The following IL23R variants were observed in gnomAD, a reference collection of about 807,000 sequenced individuals.
The protein encoded by IL23R is interleukin 23 receptor.
Under a neutral mutation model 56.9 loss-of-function variants are expected in IL23R, and 34 were observed. The observed-to-expected ratio is 0.60, with a 90% CI of 0.45 to 0.80. The LOEUF (loss-of-function observed/expected upper bound fraction) is 0.80. Ranked by LOEUF, IL23R falls within the 30% of genes least tolerant of loss-of-function variation. The pLI is 0.00. For missense variants in IL23R, 635 were observed against 730.0 expected (o/e 0.87, Z 1.50); for synonymous variants, 230 against 249.2 (o/e 0.92, Z 0.73).
intron 4 of IL23R, among the ~76,000 whole-genome samples, chr1:67,187,655 TA>T (rs754929032): frequency 6.6e-6 from 1 of 152,234 alleles, no homozygotes; most frequent in South Asian, 2.1e-4. Context: ...ATGAGTTTAC[TA>T]AAGAGAATGC....
chr1:67,200,985 C>G, intron 5 of IL23R, 88 bp downstream of exon 5: 2 of 1,327,804 alleles, frequency 1.5e-6, no homozygotes, highest in Middle Eastern at 1.9e-4. Flanking sequence ...AAGAAGTTCC[C>G]CTAAAGTTCC....
At chr1:67,201,302 G>T (rs1648612939) in intron 5 of IL23R, among the ~76,000 whole-genome samples, 1 of 151,828 alleles carries the variant, frequency 6.6e-6, no homozygotes, top group African/African-American at 2.4e-5. Flanking sequence ...CAGCTACTCA[G>T]GAGGCTGAGG....
In IL23R at chr1:67,206,884, CTTTTTTTTTT is replaced by C. The variant is rs557919248; in HGVS notation, c.653-14_653-5del. ...CTAGGCAAGTTTTAAACAGCCAGGT[CTTTTTTTTTT>C]TTTTTTTTTTTCTAGTGATACCTTC... On this transcript the variant is annotated splice_polypyrimidine_tract_variant and intron_variant, in intron 5 of 10. Transcript: ENST00000347310. 6.7e-6 allele frequency: 8 copies of C among 1,190,692 alleles called. No individual in the cohort carries two copies. The South Asian group carries it at 6.8e-5, about 10-fold the overall frequency. 73.8% of individuals were successfully genotyped at this position (1,190,692 alleles called of 1,614,324 possible).
At chr1:67,199,715 T>C (rs1326404163) in intron 4 of IL23R, among the ~76,000 whole-genome samples, 1 of 152,200 alleles carries the variant, frequency 6.6e-6, no homozygotes, top group Admixed American at 6.5e-5. Context: ...GCTCATTGTT[T>C]TTTTAATGGA....
At chr1:67,154,705 T>C (rs1230743580) in intron 1 of IL23R, among the ~76,000 whole-genome samples, 4 of 152,330 alleles carry the variant, frequency 2.6e-5, no homozygotes, top group South Asian at 2.1e-4. Context: ...ATGGGTCTCC[T>C]GAATACAGCA....
At chr1:67,190,528 T>G (rs1364908594) in intron 4 of IL23R, among the ~76,000 whole-genome samples, 1 of 152,188 alleles carries the variant, frequency 6.6e-6, no homozygotes, top group East Asian at 1.9e-4. Flanking sequence ...AATATATTTT[T>G]TATTTATCTT....
At chr1:67,151,446 T>A (rs1215761319) in intron 1 of IL23R, among the ~76,000 whole-genome samples, 3 of 152,208 alleles carry the variant, frequency 2.0e-5, no homozygotes, top group Non-Finnish European at 4.4e-5. Context: ...AGAAGATCTT[T>A]AGTTTAATTA....
At chr1:67,186,911 G>A (rs1160109060) in intron 4 of IL23R, among the ~76,000 whole-genome samples, 3 of 152,068 alleles carry the variant, frequency 2.0e-5, no homozygotes, top group Non-Finnish European at 4.4e-5. Context: ...ATAAGCCAAC[G>A]CGCCTGGCCC....
At chr1:67,162,775 A>C (rs891014447), upstream of IL23R, among the ~76,000 whole-genome samples, 4 of 152,232 alleles carry the variant, frequency 2.6e-5, no homozygotes, top group Non-Finnish European at 5.9e-5. Context: ...TTTACACCCA[A>C]GGCAATGCAC....
chr1:67,151,042 G>A lies in IL23R; in HGVS notation c.-634+11881G>A, dbSNP rs867630059. On this transcript the variant is annotated intron_variant, in intron 1 of 10. Transcript: ENST00000637002. ...GAGGAATCGCCACACTGTCTTCCGCGATGGTTGAACTAATTGACATTCTCA... is the reference window on the plus strand; with the variant it reads ...GAGGAATCGCCACACTGTCTTCCGCAATGGTTGAACTAATTGACATTCTCA... Among the ~76,000 whole-genome samples the A allele has an allele frequency of 5.9e-5, 9 of 152,164 alleles. No individual in the cohort carries two copies. In the South Asian group the frequency reaches 1.9e-3, roughly 32 times the overall value.
chr1:67,169,691 C>G, intron 3 of IL23R, 53 bp downstream of exon 3: 1 of 1,459,424 alleles, frequency 6.9e-7, no homozygotes, highest in Non-Finnish European at 9.6e-7. Flanking sequence ...TAACAATTAA[C>G]TGGTCATTAC....
chr1:67,259,257 C>A lies in IL23R; in HGVS notation c.*129C>A. 1 of 877,064 alleles carries A rather than the reference C, an allele frequency of 1.1e-6. No homozygotes were observed. Among genetic ancestry groups the A allele is most frequent in the Non-Finnish European group, 1.8e-6 (1 of 544,518 alleles). The allele number at this position is 877,064 out of a possible 1,614,324, so 54.3% of individuals were successfully genotyped here. A position where few individuals can be genotyped will look rare whatever the true frequency, so the allele number is the denominator to read the frequency against. ...TCACATACAAATCTTCACATGGACA[C>A]ATGTTTTCATTTCCCTTGGATAAAT... On this transcript the variant is annotated 3_prime_UTR_variant, in exon 11 of 11. Transcript: ENST00000347310.
At chr1:67,214,265 G>A (rs765913855) in intron 6 of IL23R, among the ~76,000 whole-genome samples, 2 of 151,914 alleles carry the variant, frequency 1.3e-5, no homozygotes, top group Non-Finnish European at 2.9e-5. Flanking sequence ...GCTTTTCAAA[G>A]TTGGTTTGAG....
chr1:67,217,950 G>A (rs1005092118), intron 6 of IL23R, among the ~76,000 whole-genome samples: 3 of 150,548 alleles, frequency 2.0e-5, no homozygotes, highest in African/African-American at 7.3e-5. Flanking sequence ...ATGAGTATCT[G>A]ATAACTGCTT....
intron 4 of IL23R, among the ~76,000 whole-genome samples, chr1:67,197,206 G>A (rs369807101): frequency 2.0e-5 from 3 of 152,278 alleles, no homozygotes; most frequent in South Asian, 4.1e-4. Context: ...CCAGAAGACA[G>A]GCTTTGGGTA....
chr1:67,155,467 T>A (rs1216455674), intron 1 of IL23R, among the ~76,000 whole-genome samples: 1 of 152,200 alleles, frequency 6.6e-6, no homozygotes, highest in Non-Finnish European at 1.5e-5. Flanking sequence ...AGTCCCATAT[T>A]TTTTGGAGGC....
chr1:67,187,386 G>A (rs1465340405), intron 4 of IL23R, among the ~76,000 whole-genome samples: 1 of 151,838 alleles, frequency 6.6e-6, no homozygotes, highest in Non-Finnish European at 1.5e-5. Context: ...TATATTTGTT[G>A]GATACAATTT....
chr1:67,250,138 G>A (rs759826330), intron 9 of IL23R, among the ~76,000 whole-genome samples: 11 of 152,030 alleles, frequency 7.2e-5, no homozygotes, highest in Non-Finnish European at 1.2e-4. Flanking sequence ...TAGTAAAAAC[G>A]CATTTTAGTT....
chr1:67,182,437 G>T (rs186215367), intron 3 of IL23R, among the ~76,000 whole-genome samples: 6 of 152,218 alleles, frequency 3.9e-5, no homozygotes, highest in Admixed American at 1.3e-4. Flanking sequence ...CTCTGAGCCA[G>T]GCATGGGATA....
Sources: allele counts gnomAD v4.1 joint callset (sites outside exome capture counted in the v4.1 genomes callset), GRCh38; gene constraint gnomAD v4.1.1; transcripts MANE v1.5; gene names NCBI Gene and HGNC (gene_info 2026-07-23, HGNC 2026-07-21).